Variants in TRIM5 observed in about 807,000 individuals in gnomAD.
TRIM5 encodes the protein tripartite motif-containing protein 5.
A neutral mutation model predicts 35.6 loss-of-function variants in TRIM5; 31 were observed. That is an observed-to-expected ratio of 0.87 (90% CI 0.65 to 1.18). The LOEUF is 1.18. TRIM5 is among the 50% of genes most tolerant of loss of function. The pLI, the probability that TRIM5 is intolerant of heterozygous loss-of-function variation, is 0.00. For missense variants in TRIM5, 609 were observed against 591.6 expected, an observed-to-expected ratio of 1.03 and a Z score of -0.31; for synonymous variants, 243 against 215.6, an observed-to-expected ratio of 1.13 and a Z score of -1.11.
chr11:5,670,339 A>G (rs988892852), intron 4 of TRIM5, among the ~76,000 whole-genome samples: 25 of 108,218 alleles, frequency 2.3e-4, no homozygotes, highest in Admixed American at 4.4e-4. Flanking sequence ...CACCACACCC[A>G]GCTAATTTTT....
chr11:5,610,882 TG>T, the TRIM5 span: 1 of 1,614,208 alleles, frequency 6.2e-7, no homozygotes, highest in Non-Finnish European at 8.5e-7. Flanking sequence ...CCTTCCTGTC[TG>T]GAAAAGCATT....
At chr11:5,605,206 A>T in the TRIM5 span, 2 of 1,213,518 alleles carry the variant, frequency 1.6e-6, no homozygotes, top group Non-Finnish European at 2.4e-6. Context: ...TTTCTCCTGC[A>T]GCATTTACCC....
rs2134114324 is a variant in TRIM5, at chr11:5,679,257, T to G, written c.418-88A>C. The G allele has an allele frequency of 2.5e-6, 3 of 1,202,232 alleles. No homozygotes were observed. In the South Asian group the frequency reaches 4.0e-5, roughly 16 times the overall value. 74.5% of individuals were successfully genotyped at this position (1,202,232 alleles called of 1,614,324 possible). A position where few individuals can be genotyped will look rare whatever the true frequency, so the allele number is the denominator to read the frequency against. On this transcript the variant is annotated intron_variant, in intron 2 of 7. Coordinates refer to ENST00000380034, the MANE Select transcript of TRIM5 (RefSeq NM_033034.3). ...AAACATGAAATAAATCAGGTTGATC[T>G]CAGAAGAAACAAATTTGCAGAAACT... is the stretch of plus-strand genomic sequence containing the variant.
the TRIM5 span, among the ~76,000 whole-genome samples, chr11:5,648,502 T>C: frequency 0.14 from 21,560 of 151,786 alleles, 2,078 homozygotes; most frequent in East Asian, 0.42. Context: ...GGAGACTCCA[T>C]CTCAAAAAAT....
the TRIM5 span, chr11:5,634,524 C>CAT: frequency 1.3e-4 from 86 of 676,852 alleles, no homozygotes; most frequent in African/African-American, 1.8e-3. Flanking sequence ...CACACACACA[C>CAT]ACACACATAT....
At chr11:5,593,079 G>A in the TRIM5 span, among the ~76,000 whole-genome samples, 1 of 152,074 alleles carries the variant, frequency 6.6e-6, no homozygotes, top group African/African-American at 2.4e-5. Flanking sequence ...AAAATTGGTG[G>A]CTTGTTTCTC....
chr11:5,679,074 C>T lies in TRIM5; in HGVS notation c.513G>A (p.Lys171=), dbSNP rs1564923342. The change falls in exon 3 of 8, where the codon AAG becomes AAA. Residue 171 remains lysine (K), a splice_region_variant and synonymous_variant. Transcript: ENST00000380034. ...ADIREEKASW[K]TQIQYDKTNV... Reference sequence around the variant, plus strand: ...TCCTTCGGGAACCACATCCTCTTGCCTTCCAGGAAGCTTTCTCTTCTCTGA... The same window carrying T: ...TCCTTCGGGAACCACATCCTCTTGCTTTCCAGGAAGCTTTCTCTTCTCTGA... 1.2e-6 allele frequency: 2 copies of T among 1,613,664 alleles called. No individual in the cohort carries two copies. The highest frequency in any genetic ancestry group is 1.1e-5 in the South Asian group (1 of 91,056).
chr11:5,674,152 G>C (rs1006669993), intron 4 of TRIM5, among the ~76,000 whole-genome samples: 1 of 152,090 alleles, frequency 6.6e-6, no homozygotes, highest in Admixed American at 6.5e-5. Context: ...AAAAAAGGGA[G>C]AGAAAACAAA....
the TRIM5 span, among the ~76,000 whole-genome samples, chr11:5,634,153 C>T: frequency 2.0e-5 from 3 of 152,138 alleles, no homozygotes; most frequent in East Asian, 3.9e-4. Flanking sequence ...TTCCATTGCT[C>T]TTTTCCAACG....
the TRIM5 span, chr11:5,611,209 C>G: frequency 6.2e-7 from 1 of 1,614,110 alleles, no homozygotes; most frequent in Non-Finnish European, 8.5e-7. Flanking sequence ...GGTACTGTCT[C>G]CTTTTATAAT....
At chr11:5,637,609 A>G in the TRIM5 span, among the ~76,000 whole-genome samples, 1 of 152,178 alleles carries the variant, frequency 6.6e-6, no homozygotes, top group Non-Finnish European at 1.5e-5. Context: ...TTAAAATTTT[A>G]GATTCAGGGG....
chr11:5,674,103 A>C (rs1411539767), intron 4 of TRIM5, among the ~76,000 whole-genome samples: 1 of 152,102 alleles, frequency 6.6e-6, no homozygotes, highest in Non-Finnish European at 1.5e-5. Context: ...TTAATTTCAT[A>C]AAAGTTAACA....
chr11:5,591,460 C>G, the TRIM5 span, among the ~76,000 whole-genome samples: 2 of 152,122 alleles, frequency 1.3e-5, no homozygotes. Flanking sequence ...ACCAGCCTGA[C>G]CAACATGGAG....
At chr11:5,681,183 C>T (rs1852417251) in intron 1 of TRIM5, among the ~76,000 whole-genome samples, 1 of 152,188 alleles carries the variant, frequency 6.6e-6, no homozygotes, top group South Asian at 2.1e-4. Context: ...GGATATCAGT[C>T]TTGAGAGAGA....
intron 4 of TRIM5, 99 bp from the exon 5 acceptor site, chr11:5,667,810 G>A: frequency 7.5e-7 from 1 of 1,336,082 alleles, no homozygotes; most frequent in Non-Finnish European, 1.0e-6. Flanking sequence ...TGCTGAGAAT[G>A]GAGATGGTGA....
chr11:5,593,091 T>A, the TRIM5 span, among the ~76,000 whole-genome samples: 3 of 152,178 alleles, frequency 2.0e-5, no homozygotes, highest in African/African-American at 7.2e-5. Flanking sequence ...TTGTTTCTCC[T>A]ACATCCCTAA....
At chr11:5,625,715 G>GGTC in the TRIM5 span, among the ~76,000 whole-genome samples, 63,360 of 151,786 alleles carry the variant, frequency 0.42, 13,740 homozygotes, top group African/African-American at 0.54. Flanking sequence ...TCTTTCTGCA[G>GGTC]GTCTCAGGGC....
At chr11:5,626,514 T>C in the TRIM5 span, 1 of 152,188 alleles carries the variant, frequency 6.6e-6, no homozygotes, top group African/African-American at 2.4e-5. Context: ...AAGGCTTTAA[T>C]GGTTTTTCCC....
the TRIM5 span, chr11:5,645,867 G>GAAAAAAAAA: frequency 2.9e-4 from 39 of 135,584 alleles, no homozygotes; most frequent in East Asian, 7.1e-4. Flanking sequence ...TAGTCTTCTG[G>GAAAAAAAAA]AAAAAAAAAA....
Sources: gnomAD v4.1 joint callset for allele counts (sites outside exome capture counted in the v4.1 genomes callset) on GRCh38, gnomAD v4.1.1 for gene constraint, MANE v1.5 for transcripts, NCBI Gene and HGNC (gene_info 2026-07-23, HGNC 2026-07-21) for gene names.